ENPP6: variants seen among roughly 807,000 people sequenced by gnomAD.
ENPP6 encodes the protein ectonucleotide pyrophosphatase/phosphodiesterase 6.
Under a neutral mutation model 42.0 loss-of-function variants are expected in ENPP6, and 32 were observed. The observed-to-expected ratio is 0.76, with a 90% confidence interval of 0.58 to 1.02. ENPP6 has a LOEUF of 1.02. Ranked by LOEUF, ENPP6 falls within the 50% of genes least tolerant of loss-of-function variation. The pLI is 0.00. For synonymous variants in ENPP6, 213 were observed against 216.0 expected, an observed-to-expected ratio of 0.99 and a Z score of 0.12; for missense variants, 552 against 566.8, an observed-to-expected ratio of 0.97 and a Z score of 0.27.
intron 2 of ENPP6, among the ~76,000 whole-genome samples, chr4:184,130,866 A>G (rs1458322530): frequency 1.3e-5 from 2 of 152,200 alleles, no homozygotes; most frequent in Non-Finnish European, 2.9e-5. Context: ...TAATATGCCA[A>G]TTAGGACACA....
At chr4:184,126,408 T>C (rs1032051603) in intron 2 of ENPP6, among the ~76,000 whole-genome samples, 3 of 152,226 alleles carry the variant, frequency 2.0e-5, no homozygotes, top group South Asian at 4.1e-4. Context: ...GCTGTTGTTA[T>C]AGTGCTATGG....
At chr4:184,175,706 T>C (rs926950913) in intron 1 of ENPP6, among the ~76,000 whole-genome samples, 3 of 151,924 alleles carry the variant, frequency 2.0e-5, no homozygotes, top group African/African-American at 7.3e-5. Flanking sequence ...GAAACAGGAG[T>C]CCCACTTACA....
chr4:184,149,266 G>T (rs1459175348), intron 2 of ENPP6, among the ~76,000 whole-genome samples: 1 of 152,190 alleles, frequency 6.6e-6, no homozygotes, highest in Non-Finnish European at 1.5e-5. Context: ...CTGAGCCTCT[G>T]CTTCTAAGGT....
chr4:184,180,248 A>G (rs1732531117), intron 1 of ENPP6, among the ~76,000 whole-genome samples: 1 of 152,228 alleles, frequency 6.6e-6, no homozygotes, highest in Non-Finnish European at 1.5e-5. Context: ...CAAATAAACT[A>G]GAAAATCTAG....
At chr4:184,131,549 A>G (rs1231202510) in intron 2 of ENPP6, among the ~76,000 whole-genome samples, 3 of 144,870 alleles carry the variant, frequency 2.1e-5, no homozygotes, top group African/African-American at 8.3e-5. Context: ...TTTTTAGTAC[A>G]GATGAGATTT....
chr4:184,117,165 G>A (rs1177128427), intron 4 of ENPP6, 130 bp from the exon 5 acceptor site: 1 of 1,154,608 alleles, frequency 8.7e-7, no homozygotes, highest in Non-Finnish European at 1.2e-6. Flanking sequence ...CTACTATTTT[G>A]CCCTGGTGAG....
intron 2 of ENPP6, among the ~76,000 whole-genome samples, chr4:184,136,861 T>A (rs1181282476): frequency 6.6e-6 from 1 of 152,222 alleles, no homozygotes; most frequent in African/African-American, 2.4e-5. Context: ...CTTGTCAGTT[T>A]GGGGAAATTC....
intron 1 of ENPP6, among the ~76,000 whole-genome samples, chr4:184,214,513 G>C (rs935340421): frequency 6.6e-6 from 1 of 152,058 alleles, no homozygotes; most frequent in African/African-American, 2.4e-5. Context: ...CTACACGAAG[G>C]CCTCCTAGGA....
intron 1 of ENPP6, among the ~76,000 whole-genome samples, chr4:184,205,520 T>G (rs1732980544): frequency 6.6e-6 from 1 of 152,234 alleles, no homozygotes; most frequent in African/African-American, 2.4e-5. Context: ...CCGAAGGGGC[T>G]GGGTGACCTA....
intron 1 of ENPP6, among the ~76,000 whole-genome samples, chr4:184,187,256 G>A (rs1732647485): frequency 6.6e-6 from 1 of 152,242 alleles, no homozygotes; most frequent in Non-Finnish European, 1.5e-5. Flanking sequence ...TGCACCAGGA[G>A]CCTGACCTTG....
rs967657508 is a variant in ENPP6 at position 184,210,099 on chromosome 4, A to G, written c.241+7480T>C. Reference sequence around the variant, plus strand: ...CTCCTGAAGGAAGCGCTAAACAGGGAAAGGAACAACCGGTACCACCCGCTG... The same window carrying G: ...CTCCTGAAGGAAGCGCTAAACAGGGGAAGGAACAACCGGTACCACCCGCTG... On this transcript the variant is annotated intron_variant, in intron 1 of 7. Coordinates refer to ENST00000296741, the MANE Select transcript of ENPP6 (RefSeq NM_153343.4). Among the ~76,000 whole-genome samples, 55 of 151,736 alleles carry G rather than the reference A, an allele frequency of 3.6e-4. 2 individuals are homozygous for G. The highest frequency in any genetic ancestry group is 1.3e-3 in the African/African-American group (53 of 41,074).
chr4:184,096,166 C>T (rs1172682677), intron 7 of ENPP6, among the ~76,000 whole-genome samples: 1 of 152,218 alleles, frequency 6.6e-6, no homozygotes, highest in Non-Finnish European at 1.5e-5. Context: ...CAGAAACTGA[C>T]ACCTCATAGT....
chr4:184,203,632 A>G (rs1358302981), intron 1 of ENPP6, among the ~76,000 whole-genome samples: 1 of 152,178 alleles, frequency 6.6e-6, no homozygotes, highest in African/African-American at 2.4e-5. Context: ...AATACCGAGG[A>G]TTGCTGGTGA....
At position 184,090,899 on chromosome 4, in the gene ENPP6, A is replaced by G; in HGVS notation, c.*278T>C. 1 of 450,390 alleles carries G rather than the reference A, an allele frequency of 2.2e-6. No homozygotes were observed. The highest frequency in any genetic ancestry group is 3.9e-6 in the Non-Finnish European group (1 of 258,194). 27.9% of individuals were successfully genotyped at this position (450,390 alleles called of 1,614,324 possible). ...TGCAGGAGCAGGTCCCTGCTCAGAG[A>G]GTTCATCCTGAGTAACGTGAAAAGA... On this transcript the variant is annotated 3_prime_UTR_variant, in exon 8 of 8. Coordinates refer to ENST00000296741, the MANE Select transcript of ENPP6 (RefSeq NM_153343.4).
chr4:184,181,783 G>T (rs564018960), intron 1 of ENPP6, among the ~76,000 whole-genome samples: 4 of 152,280 alleles, frequency 2.6e-5, no homozygotes, highest in Admixed American at 1.3e-4. Context: ...TTAATAAATG[G>T]TGCTGGGAGA....
In ENPP6 at chr4:184,089,482, T is replaced by TG. The variant is rs57589024; in HGVS notation, c.*1694dup. On this transcript the variant is annotated 3_prime_UTR_variant, in exon 8 of 8. Transcript: ENST00000296741. ...AAACTTTTTTTTTCTTTCTATTTTT[T>TG]GGGGGGGGTGGAGGATGGGGTCTTG... 3.2e-3 allele frequency: 490 copies of TG among 151,380 alleles called. No homozygotes were observed. Among genetic ancestry groups the TG allele is most frequent in the Non-Finnish European group, 4.5e-3 (308 of 67,964 alleles). 9.4% of individuals were successfully genotyped at this position (151,380 alleles called of 1,614,324 possible). A position where few individuals can be genotyped will look rare whatever the true frequency, so the allele number is the denominator to read the frequency against.
intron 3 of ENPP6, among the ~76,000 whole-genome samples, chr4:184,121,351 G>A (rs1046286245): frequency 1.3e-5 from 2 of 152,206 alleles, no homozygotes; most frequent in African/African-American, 4.8e-5. Flanking sequence ...CTGCTGAAAT[G>A]TCCCTGAGCA....
chr4:184,217,594 A>C lies in ENPP6; in HGVS notation c.226T>G (p.Tyr76Asp). ...TGGTACTCACCAGTCATTAGGGTAT[A>C]ATAATTGGGATACGAGAGACTAGGG... ...DFPSLSYPNY[Y>D]TLMTGRHCEV... The change falls in exon 1 of 8, where the codon TAT becomes GAT. Residue 76 changes from tyrosine (Y) to aspartate (D), a missense_variant. Coordinates refer to ENST00000296741, the MANE Select transcript of ENPP6 (RefSeq NM_153343.4). The C allele has an allele frequency of 6.2e-7, 1 of 1,614,226 alleles. No homozygotes were observed. The highest frequency in any genetic ancestry group is 8.5e-7 in the Non-Finnish European group (1 of 1,180,034).
intron 1 of ENPP6, among the ~76,000 whole-genome samples, chr4:184,214,284 A>G (rs1733163199): frequency 3.9e-5 from 6 of 152,152 alleles, no homozygotes; most frequent in Admixed American, 3.9e-4. Context: ...CTGGCATTCA[A>G]TTGTTTGATT....
Sources: gnomAD v4.1 joint callset for allele counts (sites outside exome capture counted in the v4.1 genomes callset) on GRCh38, gnomAD v4.1.1 for gene constraint, MANE v1.5 for transcripts, NCBI Gene and HGNC (gene_info 2026-07-23, HGNC 2026-07-21) for gene names.